Variants in AUTS2 observed in about 807,000 individuals in gnomAD.
AUTS2 encodes the protein autism susceptibility gene 2 protein.
A neutral mutation model predicts 112.4 loss-of-function variants in AUTS2; 17 were observed. The ratio of observed to expected loss-of-function variants is 0.15; its 90% confidence interval spans 0.10 to 0.23. The LOEUF is 0.23. Ranked by LOEUF, AUTS2 falls within the 10% of genes least tolerant of loss-of-function variation. AUTS2 has a pLI of 1.00. For missense variants in AUTS2, 1,510 were observed against 1,701.6 expected (o/e 0.89, Z 1.98); for synonymous variants, 751 against 702.7 (o/e 1.07, Z -1.09).
chr7:70,647,357 C>T (rs1308581349), intron 5 of AUTS2, among the ~76,000 whole-genome samples: 3 of 152,208 alleles, frequency 2.0e-5, no homozygotes, highest in Non-Finnish European at 4.4e-5. Context: ...CAGCCCACTT[C>T]GCTCTGCAAG....
intron 2 of AUTS2, among the ~76,000 whole-genome samples, chr7:69,968,019 ACT>A (rs1399702433): frequency 2.6e-5 from 4 of 152,102 alleles, no homozygotes; most frequent in Non-Finnish European, 5.9e-5. Context: ...CAATCTTCAG[ACT>A]CTGTTCCGGA....
At chr7:70,130,060 A>T (rs1562722715) in intron 3 of AUTS2, among the ~76,000 whole-genome samples, 1 of 152,142 alleles carries the variant, frequency 6.6e-6, no homozygotes, top group East Asian at 1.9e-4. Flanking sequence ...TTACTTGTTC[A>T]TGTGATTCCT....
intron 1 of AUTS2, among the ~76,000 whole-genome samples, chr7:69,835,082 G>A (rs1356800719): frequency 1.3e-5 from 2 of 151,722 alleles, no homozygotes; most frequent in Non-Finnish European, 2.9e-5. Flanking sequence ...GCGAAACATC[G>A]TGGGTATTTA....
chr7:70,687,964 A>G (rs940567283), intron 5 of AUTS2, among the ~76,000 whole-genome samples: 1 of 152,248 alleles, frequency 6.6e-6, no homozygotes, highest in Non-Finnish European at 1.5e-5. Context: ...ATTAGGAATT[A>G]GCAGAGGTGA....
intron 6 of AUTS2, among the ~76,000 whole-genome samples, chr7:70,738,296 A>G (rs1161780649): frequency 6.6e-6 from 1 of 151,952 alleles, no homozygotes; most frequent in African/African-American, 2.4e-5. Flanking sequence ...ATTCTCTCCA[A>G]TTGGCCAGAG....
chr7:70,053,544 G>GGTTTTTTTTTTTTTTTTTTTTTTTT (rs1801848925), intron 2 of AUTS2, among the ~76,000 whole-genome samples: 2 of 127,834 alleles, frequency 1.6e-5, no homozygotes, highest in Non-Finnish European at 3.3e-5. Context: ...GTTTTGGGTG[G>GGTTTTTTTTTTTTTTTTTTTTTTTT]TTTTTTTTTT....
intron 5 of AUTS2, among the ~76,000 whole-genome samples, chr7:70,657,311 A>T (rs1806823578): frequency 6.6e-6 from 1 of 152,152 alleles, no homozygotes; most frequent in Admixed American, 6.5e-5. Flanking sequence ...AAATCAGCTT[A>T]TTTTTTCCGA....
chr7:70,703,721 C>A (rs927940812), intron 6 of AUTS2, among the ~76,000 whole-genome samples: 1 of 152,038 alleles, frequency 6.6e-6, no homozygotes, highest in African/African-American at 2.4e-5. Flanking sequence ...GCAAACTGCC[C>A]GTTTCAGTCT....
intron 1 of AUTS2, among the ~76,000 whole-genome samples, chr7:69,730,019 T>TTTTTTTTTTTTTTTTTA (rs10684332): frequency 1.9e-4 from 25 of 132,092 alleles, no homozygotes; most frequent in South Asian, 4.6e-4. Context: ...TTTTTTTTTT[T>TTTTTTTTTTTTTTTTTA]AGAAACTAGG....
At chr7:70,472,380 T>C (rs1420361772) in intron 5 of AUTS2, among the ~76,000 whole-genome samples, 8 of 151,370 alleles carry the variant, frequency 5.3e-5, no homozygotes, top group Non-Finnish European at 8.8e-5. Context: ...TTTTTTTTTT[T>C]TTCCCAGTAC....
chr7:70,496,412 C>CA (rs1798509166), intron 5 of AUTS2, among the ~76,000 whole-genome samples: 1 of 139,162 alleles, frequency 7.2e-6, no homozygotes, highest in Admixed American at 7.1e-5. Context: ...CACACACACA[C>CA]CCCACACATG....
chr7:70,203,173 A>G (rs1306330393), intron 4 of AUTS2, among the ~76,000 whole-genome samples: 211 of 115,794 alleles, frequency 1.8e-3, no homozygotes, highest in Non-Finnish European at 2.1e-3. Context: ...GAAGGGGAAT[A>G]TCACACTCTG....
At chr7:70,281,775 A>C (rs1382385842) in intron 4 of AUTS2, among the ~76,000 whole-genome samples, 2 of 152,226 alleles carry the variant, frequency 1.3e-5, no homozygotes. Context: ...TATGCTAAGC[A>C]CTTAAAGGCT....
intron 4 of AUTS2, among the ~76,000 whole-genome samples, chr7:70,430,750 A>T (rs1481944105): frequency 6.6e-6 from 1 of 152,172 alleles, no homozygotes; most frequent in African/African-American, 2.4e-5. Flanking sequence ...TGTGCAATTG[A>T]AACAATCTAA....
chr7:69,667,616 A>G (rs1171995971), intron 1 of AUTS2, among the ~76,000 whole-genome samples: 3 of 152,126 alleles, frequency 2.0e-5, no homozygotes, highest in Non-Finnish European at 4.4e-5. Flanking sequence ...TTGGCCTCCC[A>G]AAGTGCTAGG....
chr7:70,520,682 C>T (rs1001842019), intron 5 of AUTS2, among the ~76,000 whole-genome samples: 3 of 152,178 alleles, frequency 2.0e-5, no homozygotes, highest in Admixed American at 6.5e-5. Flanking sequence ...ATGTGAGCAC[C>T]GTGGAGACCT....
At position 70,600,323 on chromosome 7, in the gene AUTS2, T is replaced by C. The variant is rs367623212; in HGVS notation, c.691-98246T>C. On this transcript the variant is annotated intron_variant, in intron 5 of 18. Transcript: ENST00000342771. ...CGAAGTCTTGCTCTGTTGCCCAGGCTGGAGTGCGGTGGTGCCATCTTGGCT... is the reference window on the plus strand; with the variant it reads ...CGAAGTCTTGCTCTGTTGCCCAGGCCGGAGTGCGGTGGTGCCATCTTGGCT... 7.2e-5 allele frequency among the ~76,000 whole-genome samples: 11 copies of C among 152,362 alleles called. No individual in the cohort carries two copies. In the East Asian group the frequency reaches 1.3e-3, roughly 19 times the overall value.
intron 4 of AUTS2, among the ~76,000 whole-genome samples, chr7:70,265,522 T>C (rs964042177): frequency 1.3e-5 from 2 of 152,216 alleles, no homozygotes; most frequent in African/African-American, 4.8e-5. Flanking sequence ...TATTCTCATC[T>C]TTATAGATCA....
intron 2 of AUTS2, among the ~76,000 whole-genome samples, chr7:70,099,895 T>A (rs1804395236): frequency 6.6e-6 from 1 of 152,242 alleles, no homozygotes; most frequent in Non-Finnish European, 1.5e-5. Flanking sequence ...CTTCAGTTTT[T>A]ACATATATAT....
Sources: allele counts gnomAD v4.1 joint callset (sites outside exome capture counted in the v4.1 genomes callset), GRCh38; gene constraint gnomAD v4.1.1; transcripts MANE v1.5; gene names NCBI Gene and HGNC (gene_info 2026-07-23, HGNC 2026-07-21).